The following TRAF5 variants were observed in gnomAD, a reference collection of about 807,000 sequenced individuals.
TRAF5 encodes TNF receptor-associated factor 5.
A neutral mutation model predicts 64.5 loss-of-function variants in TRAF5; 48 were observed. The ratio of observed to expected loss-of-function variants is 0.74; its 90% CI spans 0.59 to 0.95. The LOEUF is 0.95. Among genes scored for constraint, TRAF5 ranks in the 40% least tolerant of loss-of-function variants. The pLI, the probability that TRAF5 is intolerant of heterozygous loss-of-function variation, is 0.00. For synonymous variants in TRAF5, 206 were observed against 240.5 expected, an observed-to-expected ratio of 0.86 and a Z score of 1.33; for missense variants, 545 against 662.8, an observed-to-expected ratio of 0.82 and a Z score of 1.95.
chr1:211,372,287 CG>C lies in TRAF5; in HGVS notation c.1261del (p.Val421TrpfsTer28). The C allele has an allele frequency of 6.2e-7, 1 of 1,614,036 alleles. No homozygotes were observed. On this transcript the variant is annotated frameshift_variant, in exon 11 of 11. Transcript: ENST00000261464. LOFTEE classifies it high-confidence loss of function. ...VTDYKMKKRE[A>X]VDGHTVSIFS... ...GATTACAAGATGAAGAAGAGAGAGG[CG>C]GTGGATGGGCACACAGTGTCCATCT...
At position 211,372,521 on chromosome 1, in the gene TRAF5, C is replaced by T. The variant is rs1359416469; in HGVS notation, c.1493C>T (p.Thr498Ile). 6.2e-7 allele frequency: 1 copy of T among 1,614,184 alleles called. No individual in the cohort carries two copies. The highest frequency in any genetic ancestry group is 8.5e-7 in the Non-Finnish European group (1 of 1,180,038). The change falls in exon 11 of 11, where the codon ACC becomes ATC. Residue 498 changes from threonine to isoleucine, a missense_variant. By Grantham distance (89) the Thr-to-Ile change is moderately conservative (BLOSUM62 -1). Coordinates refer to ENST00000261464, the MANE Select transcript of TRAF5 (RefSeq NM_001033910.3). ...AGTGGCAAAAAGAACATTATGGAGA[C>T]CTTCAAACCTGACCCCAATAGCAGC... Reference protein sequence around the residue: ...DQSGKKNIMETFKPDPNSSSF... With the variant: ...DQSGKKNIMEIFKPDPNSSSF...
intron 1 of TRAF5, among the ~76,000 whole-genome samples, chr1:211,337,846 C>T (rs911199383): frequency 6.6e-6 from 1 of 152,022 alleles, no homozygotes; most frequent in Non-Finnish European, 1.5e-5. Flanking sequence ...ATGGGAGGAG[C>T]AGGTTGGGTG....
In TRAF5 at chr1:211,372,216, G is replaced by T. The variant is rs1352254270; in HGVS notation, c.1188G>T (p.Leu396=). Residue 396 remains leucine, a synonymous_variant, in exon 11 of 11, where the codon CTG becomes CTT. Transcript: ENST00000261464. ...GTAAAAATGAAGAGCGATTTAAACT[G>T]CTGGAGGGTACTTGCTATAATGGAA... ...QLSKNEERFK[L]LEGTCYNGKL... The T allele has an allele frequency of 1.2e-6, 2 of 1,613,770 alleles. No individual in the cohort carries two copies. Among genetic ancestry groups the T allele is most frequent in the South Asian group, 1.1e-5 (1 of 91,078 alleles).
rs376583025 is a variant in TRAF5, at chr1:211,327,468, C to T, written c.-2+579C>T. ...TTAGAAAGCAGCTACCCCCCTCCCCCAGAAGGCGAGCTCTAAGGAACCTTG... is the reference window on the plus strand; with the variant it reads ...TTAGAAAGCAGCTACCCCCCTCCCCTAGAAGGCGAGCTCTAAGGAACCTTG... On this transcript the variant is annotated intron_variant, in intron 1 of 10. Coordinates refer to ENST00000261464, the MANE Select transcript of TRAF5 (RefSeq NM_001033910.3). Among the ~76,000 whole-genome samples, 7 of 152,236 alleles carry T rather than the reference C, an allele frequency of 4.6e-5. No individual in the cohort carries two copies. In the East Asian group the frequency reaches 7.7e-4, roughly 17 times the overall value.
At chr1:211,344,374 G>C (rs1001800571) in intron 1 of TRAF5, among the ~76,000 whole-genome samples, 2 of 152,152 alleles carry the variant, frequency 1.3e-5, no homozygotes, top group African/African-American at 4.8e-5. Flanking sequence ...ACTTCCTTCT[G>C]TGAAGACATA....
At chr1:211,348,449 T>G (rs1702683706) in intron 1 of TRAF5, among the ~76,000 whole-genome samples, 1 of 152,198 alleles carries the variant, frequency 6.6e-6, no homozygotes, top group Non-Finnish European at 1.5e-5. Flanking sequence ...AGATTTTCTT[T>G]TAGAGCAGTT....
intron 1 of TRAF5, among the ~76,000 whole-genome samples, chr1:211,348,878 G>A (rs868672376): frequency 1.8e-4 from 27 of 151,892 alleles, no homozygotes; most frequent in African/African-American, 5.6e-4. Flanking sequence ...CCATCCTATG[G>A]ATCTTTGGCT....
chr1:211,326,834 G>A lies in TRAF5; in HGVS notation c.-57G>A. On this transcript the variant is annotated 5_prime_UTR_variant, in exon 1 of 11. Transcript: ENST00000261464. The surrounding 1 kb of genome is among the most constrained non-coding windows in gnomAD (Gnocchi z 5.0). ...TCGCCGCCGCCGCCGGCCGCAGCCA[G>A]GAGCAGCAGCCGCGCCTGCAGACCG... 4.1e-6 allele frequency: 4 copies of A among 984,578 alleles called. No homozygotes were observed. Among genetic ancestry groups the A allele is most frequent in the South Asian group, 4.5e-5 (1 of 22,136 alleles). The allele number at this position is 984,578 out of a possible 1,614,324, so 61.0% of individuals were successfully genotyped here.
At chr1:211,366,595 C>A (rs188369837) in intron 8 of TRAF5, among the ~76,000 whole-genome samples, 1 of 152,268 alleles carries the variant, frequency 6.6e-6, no homozygotes. Flanking sequence ...GGTAAGACAT[C>A]CAAGCTGCCT....
chr1:211,346,954 T>C (rs2102732351), intron 1 of TRAF5, among the ~76,000 whole-genome samples: 1 of 152,370 alleles, frequency 6.6e-6, no homozygotes, highest in African/African-American at 2.4e-5. Flanking sequence ...GATGTGACTT[T>C]CTTTTGTCTC....
intron 1 of TRAF5, among the ~76,000 whole-genome samples, chr1:211,328,854 T>G (rs1332639039): frequency 6.6e-6 from 1 of 152,224 alleles, no homozygotes; most frequent in East Asian, 1.9e-4. Context: ...CCTCATGAGT[T>G]AGAGCAGGCT....
chr1:211,335,166 G>A (rs58729514), intron 1 of TRAF5, among the ~76,000 whole-genome samples: 3,047 of 152,264 alleles, frequency 0.02, 92 homozygotes, highest in African/African-American at 0.07. Flanking sequence ...TGAGTAAGAC[G>A]TGAGTGTGAC....
chr1:211,340,863 C>T (rs1328254930), intron 1 of TRAF5, among the ~76,000 whole-genome samples: 1 of 152,240 alleles, frequency 6.6e-6, no homozygotes, highest in Non-Finnish European at 1.5e-5. Flanking sequence ...TCCACAATCG[C>T]GATGGCCCTC....
chr1:211,343,029 T>A (rs560475015), intron 1 of TRAF5, among the ~76,000 whole-genome samples: 1 of 152,338 alleles, frequency 6.6e-6, no homozygotes, highest in South Asian at 2.1e-4. Context: ...CTGGATCATA[T>A]GTAGTTCTGT....
chr1:211,334,243 T>A (rs1290396918), intron 1 of TRAF5, among the ~76,000 whole-genome samples: 1 of 152,212 alleles, frequency 6.6e-6, no homozygotes, highest in African/African-American at 2.4e-5. Flanking sequence ...TGAAGCACTG[T>A]CTACCAGGGA....
intron 1 of TRAF5, among the ~76,000 whole-genome samples, chr1:211,330,369 C>G (rs1558129063): frequency 6.9e-6 from 1 of 144,324 alleles, no homozygotes; most frequent in Non-Finnish European, 1.5e-5. Context: ...TTTTCCATGG[C>G]TTTTTTTTTT....
At chr1:211,336,786 AGTAGCTGAGATTACAGGC>A (rs1219444901) in intron 1 of TRAF5, among the ~76,000 whole-genome samples, 1 of 152,218 alleles carries the variant, frequency 6.6e-6, no homozygotes, top group Non-Finnish European at 1.5e-5. Flanking sequence ...CAGCCTCCTG[AGTAGCTGAGATTACAGGC>A]GTATGCCACC....
In TRAF5 at chr1:211,356,398, T is replaced by G; in HGVS notation, c.308T>G (p.Val103Gly). The change falls in exon 4 of 11, where the codon GTC becomes GGC. Residue 103 changes from valine to glycine, a missense_variant. Val to Gly is a moderately radical substitution (Grantham distance 109). Coordinates refer to ENST00000261464, the MANE Select transcript of TRAF5 (RefSeq NM_001033910.3). ...AAAGACAATTGTTGCAAAAGAGAAG[T>G]CCTCAACTTATATGTATATTGCAGC... Reference protein sequence around the residue: ...VFKDNCCKREVLNLYVYCSNA... With the variant: ...VFKDNCCKREGLNLYVYCSNA... The G allele has an allele frequency of 6.2e-7, 1 of 1,614,134 alleles. No homozygotes were observed.
At chr1:211,370,376 T>TAAAC (rs1052555343) in intron 9 of TRAF5, among the ~76,000 whole-genome samples, 1 of 75,576 alleles carries the variant, frequency 1.3e-5, no homozygotes, top group African/African-American at 4.6e-5. Context: ...CATTATACAT[T>TAAAC]AAACACACAC....
Sources: allele counts gnomAD v4.1 joint callset (sites outside exome capture counted in the v4.1 genomes callset), GRCh38; gene constraint gnomAD v4.1.1; non-coding constraint Gnocchi (gnomAD v3.1); transcripts MANE v1.5; gene names NCBI Gene and HGNC (gene_info 2026-07-23, HGNC 2026-07-21).